The following CNTN4 variants were observed in gnomAD, a reference collection of about 807,000 sequenced individuals.
CNTN4 encodes the protein contactin-4.
In CNTN4, 77 loss-of-function variants were observed where a neutral mutation model predicts 122.5. That is an observed-to-expected ratio of 0.63 (90% CI 0.52 to 0.76). The LOEUF (loss-of-function observed/expected upper bound fraction) is 0.76, where lower values mean the gene tolerates loss of function less well. Ranked by LOEUF, CNTN4 falls within the 30% of genes least tolerant of loss-of-function variation. The pLI, the probability that CNTN4 is intolerant of heterozygous loss-of-function variation, is 0.00. For synonymous variants in CNTN4, 512 were observed against 447.0 expected (o/e 1.15, Z -1.83); for missense variants, 1,256 against 1,259.1 (o/e 1.00, Z 0.04).
intron 3 of CNTN4, among the ~76,000 whole-genome samples, chr3:2,387,728 G>A (rs980467861): frequency 1.3e-5 from 2 of 152,028 alleles, no homozygotes; most frequent in African/African-American, 4.8e-5. Flanking sequence ...GTTTTATTTT[G>A]CTGTTTTTCC....
chr3:2,647,786 C>A (rs1034612804), intron 4 of CNTN4, among the ~76,000 whole-genome samples: 1 of 152,134 alleles, frequency 6.6e-6, no homozygotes, highest in African/African-American at 2.4e-5. Flanking sequence ...TGTAGAGATA[C>A]CAGCTGTCTC....
At chr3:2,873,508 T>C (rs147208683) in intron 8 of CNTN4, among the ~76,000 whole-genome samples, 279 of 152,324 alleles carry the variant, frequency 1.8e-3, no homozygotes, top group African/African-American at 6.2e-3. Flanking sequence ...AACTTCTAAA[T>C]TTAAGACCAA....
chr3:2,825,289 G>A (rs1300242692), intron 7 of CNTN4, among the ~76,000 whole-genome samples: 1 of 151,558 alleles, frequency 6.6e-6, no homozygotes, highest in African/African-American at 2.4e-5. Flanking sequence ...GCAGTGGCGT[G>A]ATCTCAGCTC....
At chr3:2,351,511 T>G (rs770695321) in intron 3 of CNTN4, among the ~76,000 whole-genome samples, 17 of 152,026 alleles carry the variant, frequency 1.1e-4, no homozygotes, top group Non-Finnish European at 2.2e-4. Flanking sequence ...GAGAACAGAG[T>G]TCTCATGCTT....
intron 2 of CNTN4, among the ~76,000 whole-genome samples, chr3:2,193,419 T>C (rs1419128252): frequency 6.6e-6 from 1 of 152,094 alleles, no homozygotes; most frequent in East Asian, 1.9e-4. Context: ...GCTCATCAAC[T>C]TTATTCTTCA....
chr3:3,026,935 C>G (rs1424487118), intron 15 of CNTN4, among the ~76,000 whole-genome samples: 2 of 152,100 alleles, frequency 1.3e-5, no homozygotes, highest in African/African-American at 2.4e-5. Flanking sequence ...TTTTTCTGCT[C>G]TAACGCACCT....
intron 2 of CNTN4, among the ~76,000 whole-genome samples, chr3:2,187,054 G>A (rs2037304315): frequency 1.3e-5 from 2 of 152,106 alleles, no homozygotes; most frequent in African/African-American, 4.8e-5. Flanking sequence ...GTTTTTTATG[G>A]TTTTAGGTCT....
At chr3:2,155,860 C>G (rs2035696214) in intron 2 of CNTN4, among the ~76,000 whole-genome samples, 1 of 152,182 alleles carries the variant, frequency 6.6e-6, no homozygotes, top group Non-Finnish European at 1.5e-5. Context: ...ATGTCATTTC[C>G]TCAGAAAGCA....
At position 2,353,646 on chromosome 3, in the gene CNTN4, G is replaced by C. The variant is rs148214301; in HGVS notation, c.-89+14413G>C. ...CCGGACACACCATCTTTTAAGAACT[G>C]TAACACTCACCGTGAGGGTCTGCAG... is the stretch of plus-strand genomic sequence containing the variant. On this transcript the variant is annotated intron_variant, in intron 3 of 24. Coordinates refer to ENST00000418658, the MANE Select transcript of CNTN4 (RefSeq NM_175607.3). 6.6e-3 allele frequency among the ~76,000 whole-genome samples: 1,012 copies of C among 152,200 alleles called. 5 individuals carry two copies. Among genetic ancestry groups the C allele is most frequent in the Middle Eastern group, 0.027 (8 of 294 alleles).
intron 2 of CNTN4, among the ~76,000 whole-genome samples, chr3:2,148,954 G>A (rs1256012519): frequency 6.6e-6 from 1 of 151,928 alleles, no homozygotes; most frequent in Non-Finnish European, 1.5e-5. Context: ...GTGTGTGTGT[G>A]TGTGTGTGTG....
intron 24 of CNTN4, 76 bp from the exon 25 acceptor site, chr3:3,056,044 C>A (rs931336819): frequency 9.5e-7 from 1 of 1,050,646 alleles, no homozygotes; most frequent in South Asian, 1.3e-5. Flanking sequence ...TCTGCTGTTT[C>A]AAAAAGCCCC....
chr3:2,591,245 A>C (rs2080457260), intron 4 of CNTN4, among the ~76,000 whole-genome samples: 1 of 152,130 alleles, frequency 6.6e-6, no homozygotes, highest in African/African-American at 2.4e-5. Context: ...TGAATATATG[A>C]ATAATTGTTT....
chr3:2,643,963 A>G (rs1232341155), intron 4 of CNTN4, among the ~76,000 whole-genome samples: 3 of 151,964 alleles, frequency 2.0e-5, no homozygotes, highest in Non-Finnish European at 2.9e-5. Context: ...TGATCACCCC[A>G]CCGTGTCTTC....
intron 3 of CNTN4, among the ~76,000 whole-genome samples, chr3:2,416,068 GAT>G (rs2047400073): frequency 6.6e-6 from 1 of 152,056 alleles, no homozygotes; most frequent in South Asian, 2.1e-4. Flanking sequence ...AGACATATAA[GAT>G]ACTAGTGTGC....
chr3:2,238,761 C>A (rs9854908), intron 2 of CNTN4: 1 of 90,324 alleles, frequency 1.1e-5, no homozygotes, highest in Admixed American at 1.4e-4. Context: ...GGAGTCTGGC[C>A]CTGTCGCCCA....
intron 5 of CNTN4, among the ~76,000 whole-genome samples, chr3:2,741,275 C>G (rs542362722): frequency 6.6e-6 from 1 of 152,136 alleles, no homozygotes; most frequent in African/African-American, 2.4e-5. Flanking sequence ...TCTAGGTATT[C>G]TGGAGGAAAG....
At chr3:2,239,607 C>A (rs994180408) in intron 2 of CNTN4, among the ~76,000 whole-genome samples, 1 of 152,096 alleles carries the variant, frequency 6.6e-6, no homozygotes, top group Non-Finnish European at 1.5e-5. Flanking sequence ...ATCCTATGGT[C>A]TCTTAGGTTC....
chr3:2,239,287 T>A (rs1200968952), intron 2 of CNTN4, among the ~76,000 whole-genome samples: 3 of 152,286 alleles, frequency 2.0e-5, no homozygotes, highest in Non-Finnish European at 4.4e-5. Flanking sequence ...GGACGATCCT[T>A]GGACTTAAAA....
intron 3 of CNTN4, among the ~76,000 whole-genome samples, chr3:2,546,324 C>A (rs1488457416): frequency 3.1e-4 from 43 of 138,142 alleles, no homozygotes; most frequent in Admixed American, 2.9e-4. Flanking sequence ...ACTATGCAGC[C>A]AAAAAAAAAA....
Sources: allele counts gnomAD v4.1 joint callset (sites outside exome capture counted in the v4.1 genomes callset), GRCh38; gene constraint gnomAD v4.1.1; transcripts MANE v1.5; gene names NCBI Gene and HGNC (gene_info 2026-07-23, HGNC 2026-07-21).